Variants in ACOX3 observed in about 807,000 individuals in gnomAD.
The protein encoded by ACOX3 is acyl-CoA oxidase 3, pristanoyl.
A neutral mutation model predicts 81.5 loss-of-function variants in ACOX3; 73 were observed. That is an observed-to-expected ratio of 0.90 (90% CI 0.74 to 1.09). ACOX3 has a LOEUF of 1.09. Among genes scored for constraint, ACOX3 ranks in the 50% least tolerant of loss-of-function variants. The pLI, the probability that ACOX3 is intolerant of heterozygous loss-of-function variation, is 0.00. For missense variants in ACOX3, 947 were observed against 928.0 expected (o/e 1.02, Z -0.27); for synonymous variants, 387 against 375.1 (o/e 1.03, Z -0.37).
chr4:8,390,973 T>C (rs937672924), intron 11 of ACOX3, among the ~76,000 whole-genome samples: 1 of 151,048 alleles, frequency 6.6e-6, no homozygotes, highest in African/African-American at 2.4e-5. Flanking sequence ...AGATGGAGCC[T>C]CGGTCATATT....
intron 1 of ACOX3, among the ~76,000 whole-genome samples, chr4:8,420,136 T>C (rs1306836065): frequency 6.6e-6 from 1 of 152,212 alleles, no homozygotes; most frequent in Non-Finnish European, 1.5e-5. Flanking sequence ...ACATTGACCA[T>C]GGTCATACAA....
At position 8,366,589 on chromosome 4, in the gene ACOX3, T is replaced by C. The variant is rs1214892931; in HGVS notation, c.*372A>G. 1 of 171,622 alleles carries C rather than the reference T, an allele frequency of 5.8e-6. No individual in the cohort carries two copies. The highest frequency in any genetic ancestry group is 1.3e-5 in the Non-Finnish European group (1 of 79,726). 10.6% of individuals were successfully genotyped at this position (171,622 alleles called of 1,614,324 possible). ...ATGAAGTGGAGCTCGGTAAAAAATC[T>C]AGATGAATCACAGGTTGTCTGACCA... On this transcript the variant is annotated 3_prime_UTR_variant, in exon 18 of 18. Coordinates refer to ENST00000356406, the MANE Select transcript of ACOX3 (RefSeq NM_003501.3).
chr4:8,366,111 G>A (rs537879770), downstream of ACOX3, among the ~76,000 whole-genome samples: 12 of 152,316 alleles, frequency 7.9e-5, no homozygotes, highest in East Asian at 2.1e-3. Context: ...ACCTAACACT[G>A]GGAAGGGCAG....
intron 10 of ACOX3, among the ~76,000 whole-genome samples, chr4:8,393,938 G>T (rs1203176572): frequency 6.6e-6 from 1 of 152,204 alleles, no homozygotes; most frequent in Non-Finnish European, 1.5e-5. Context: ...CATCAATCCT[G>T]CAGGTCATCC....
At position 8,382,283 on chromosome 4, in the gene ACOX3, G is replaced by A. The variant is rs1405879261; in HGVS notation, c.1538-676C>T. 6.6e-6 allele frequency among the ~76,000 whole-genome samples: 1 copy of A among 152,220 alleles called. No individual in the cohort carries two copies. The highest frequency in any genetic ancestry group is 1.5e-5 in the Non-Finnish European group (1 of 68,024). On this transcript the variant is annotated intron_variant, in intron 13 of 17. Coordinates refer to ENST00000356406, the MANE Select transcript of ACOX3 (RefSeq NM_003501.3). This position sits in a 1 kb window ranked among gnomAD's most constrained non-coding sequence, Gnocchi z 4.1. ...CCCCCTTCGTCCTCCCCTTCCCCTG[G>A]CAGTGGTGCCCACATCTGCGGGGCC... is the stretch of plus-strand genomic sequence containing the variant.
chr4:8,394,885 G>A lies in ACOX3; in HGVS notation c.1057-143C>T, dbSNP rs1036826186. On this transcript the variant is annotated intron_variant, in intron 9 of 17. Transcript: ENST00000356406. This position sits in a 1 kb window ranked among gnomAD's most constrained non-coding sequence, Gnocchi z 5.9. The stretch of plus-strand genomic sequence containing the variant: ...CTGAAGGTCTTCACATGTCTTCCCG[G>A]CACATCAGAAAGCCTTCACCCTGAC... 14 of 1,151,972 alleles carry A rather than the reference G, an allele frequency of 1.2e-5. No homozygotes were observed. In the African/African-American group the frequency reaches 1.7e-4, roughly 14 times the overall value. 71.4% of individuals were successfully genotyped at this position (1,151,972 alleles called of 1,614,324 possible).
chr4:8,412,453 A>C (rs1721829393), intron 5 of ACOX3, among the ~76,000 whole-genome samples: 1 of 152,208 alleles, frequency 6.6e-6, no homozygotes, highest in Admixed American at 6.5e-5. Context: ...GATGGATGGA[A>C]GAATGAATGG....
chr4:8,435,629 T>A (rs911798383), intron 1 of ACOX3, among the ~76,000 whole-genome samples: 1 of 152,176 alleles, frequency 6.6e-6, no homozygotes. Context: ...TGGACCTAGA[T>A]CAATTCCTTT....
At chr4:8,362,165 A>G (rs1164334121), downstream of ACOX3, among the ~76,000 whole-genome samples, 3 of 152,194 alleles carry the variant, frequency 2.0e-5, no homozygotes, top group Non-Finnish European at 2.9e-5. Flanking sequence ...ATAACTTTGG[A>G]AATTGTGATA....
intron 14 of ACOX3, among the ~76,000 whole-genome samples, chr4:8,378,022 T>C (rs1185142054): frequency 6.6e-6 from 1 of 152,142 alleles, no homozygotes; most frequent in African/African-American, 2.4e-5. Context: ...CCTCCAGAGC[T>C]GCCAAACTGT....
chr4:8,439,534 C>G (rs1290780607), intron 1 of ACOX3, among the ~76,000 whole-genome samples: 3 of 152,202 alleles, frequency 2.0e-5, no homozygotes, highest in African/African-American at 7.2e-5. Context: ...CAAGTTCAAG[C>G]ATTTGGCTCT....
At chr4:8,361,435 A>C, downstream of ACOX3, among the ~76,000 whole-genome samples, 1 of 144,384 alleles carries the variant, frequency 6.9e-6, no homozygotes, top group East Asian at 1.9e-4. Flanking sequence ...CAAAAAAAAA[A>C]AAAAAAAAAA....
At chr4:8,440,434 C>T (rs566651074) in intron 1 of ACOX3, among the ~76,000 whole-genome samples, 1 of 152,362 alleles carries the variant, frequency 6.6e-6, no homozygotes, top group Non-Finnish European at 1.5e-5. Flanking sequence ...AATGCCAGCA[C>T]TAAAAGCAAA....
Position 8,394,901 on chromosome 4 carries a change from T to G in ACOX3, c.1057-159A>C. 1.0e-6 allele frequency: 1 copy of G among 986,966 alleles called. No individual in the cohort carries two copies. The highest frequency in any genetic ancestry group is 1.7e-5 in the South Asian group (1 of 57,284). The allele number at this position is 986,966 out of a possible 1,614,324, so 61.1% of individuals were successfully genotyped here. ...GTCTTCCCGGCACATCAGAAAGCCTTCACCCTGACACGCTCTCAACTCAGC... is the reference window on the plus strand; with the variant it reads ...GTCTTCCCGGCACATCAGAAAGCCTGCACCCTGACACGCTCTCAACTCAGC... On this transcript the variant is annotated intron_variant, in intron 9 of 17. Coordinates refer to ENST00000356406, the MANE Select transcript of ACOX3 (RefSeq NM_003501.3). The surrounding 1 kb of genome is among the most constrained non-coding windows in gnomAD (Gnocchi z 5.9).
At chr4:8,375,331 A>G (rs11735859) in intron 14 of ACOX3, among the ~76,000 whole-genome samples, 179 bp from the exon 15 acceptor site, 23,726 of 152,286 alleles carry the variant, frequency 0.16, 1,966 homozygotes, top group East Asian at 0.23. Flanking sequence ...TTTCCAGAAC[A>G]CAATGGAAGA....
At chr4:8,415,328 C>A (rs1205649318) in intron 3 of ACOX3, among the ~76,000 whole-genome samples, 2 of 152,176 alleles carry the variant, frequency 1.3e-5, no homozygotes, top group South Asian at 2.1e-4. Context: ...AAGGGCAAAG[C>A]CATTTTGCCC....
In ACOX3 at chr4:8,430,135, T is replaced by A. The variant is rs1723873586; in HGVS notation, c.-15+10513A>T. ...TGTTCTACTCTGAAATACCTTCTCC[T>A]TGATTCCATGGCAACATTTTTCTTC... On this transcript the variant is annotated intron_variant, in intron 1 of 17. Transcript: ENST00000356406. The surrounding 1 kb of genome is among the most constrained non-coding windows in gnomAD (Gnocchi z 5.2). Among the ~76,000 whole-genome samples the A allele has an allele frequency of 6.6e-6, 1 of 152,236 alleles. No individual in the cohort carries two copies. Among genetic ancestry groups the A allele is most frequent in the African/African-American group, 2.4e-5 (1 of 41,462 alleles).
intron 6 of ACOX3, among the ~76,000 whole-genome samples, chr4:8,409,729 G>A: frequency 6.7e-6 from 1 of 150,190 alleles, no homozygotes; most frequent in Non-Finnish European, 1.5e-5. Flanking sequence ...TACACCGTGG[G>A]CGGGGCTGTG....
intron 11 of ACOX3, among the ~76,000 whole-genome samples, 179 bp downstream of exon 11, chr4:8,392,154 C>A (rs188094667): frequency 6.6e-6 from 1 of 152,364 alleles, no homozygotes; most frequent in Admixed American, 6.5e-5. Context: ...AGTGCGAAAA[C>A]AGCTGCAGGA....
Sources: gnomAD v4.1 joint callset for allele counts (sites outside exome capture counted in the v4.1 genomes callset) on GRCh38, gnomAD v4.1.1 for gene constraint, Gnocchi (gnomAD v3.1) non-coding constraint, MANE v1.5 for transcripts, NCBI Gene and HGNC (gene_info 2026-07-23, HGNC 2026-07-21) for gene names.